Variants in SGCZ observed in about 807,000 individuals in gnomAD.
SGCZ encodes zeta-sarcoglycan.
A neutral mutation model predicts 41.3 loss-of-function variants in SGCZ; 40 were observed. That is an observed-to-expected ratio of 0.97 (90% CI 0.75 to 1.26). SGCZ has a LOEUF of 1.26. SGCZ is among the 50% of genes most tolerant of loss of function. The probability of loss-of-function intolerance (pLI) is 0.00; values close to 1 mark genes in which losing one functional copy is unlikely to be tolerated. For missense variants in SGCZ, 552 were observed against 369.8 expected (o/e 1.49, Z -4.04); for synonymous variants, 206 against 137.5 (o/e 1.50, Z -3.49).
chr8:14,210,354 T>C (rs1422366361), intron 4 of SGCZ, among the ~76,000 whole-genome samples: 1 of 149,264 alleles, frequency 6.7e-6, no homozygotes, highest in Non-Finnish European at 1.5e-5. Flanking sequence ...CCACCATGCC[T>C]GGCCATTATT....
intron 1 of SGCZ, among the ~76,000 whole-genome samples, chr8:14,826,848 G>T (rs1307832442): frequency 6.6e-6 from 1 of 152,154 alleles, no homozygotes; most frequent in Non-Finnish European, 1.5e-5. Flanking sequence ...TTTCTCAGAT[G>T]AGTAGGTTGT....
chr8:14,464,759 G>C (rs940102455), intron 2 of SGCZ, among the ~76,000 whole-genome samples: 1 of 151,160 alleles, frequency 6.6e-6, no homozygotes, highest in Non-Finnish European at 1.5e-5. Context: ...ACTGATTTTG[G>C]TGTATTCTTT....
chr8:14,302,112 T>C (rs940196641), intron 3 of SGCZ, among the ~76,000 whole-genome samples: 6 of 152,266 alleles, frequency 3.9e-5, no homozygotes, highest in African/African-American at 1.2e-4. Flanking sequence ...TCACTGTAAT[T>C]GAATCAAAAT....
chr8:14,567,786 G>C (rs1804420227), intron 1 of SGCZ, among the ~76,000 whole-genome samples: 1 of 151,992 alleles, frequency 6.6e-6, no homozygotes, highest in South Asian at 2.1e-4. Context: ...AACCCACTGG[G>C]AGGAATGAAC....
chr8:15,012,999 T>C (rs10088098), intron 1 of SGCZ, among the ~76,000 whole-genome samples: 26,435 of 151,962 alleles, frequency 0.17, 2,514 homozygotes, highest in Admixed American at 0.25. Context: ...AAAGCTGTTC[T>C]GTAGTATGGT....
intron 1 of SGCZ, among the ~76,000 whole-genome samples, chr8:15,050,780 C>T (rs955971265): frequency 1.3e-5 from 2 of 152,022 alleles, no homozygotes; most frequent in Non-Finnish European, 2.9e-5. Flanking sequence ...AGAAGTTAGG[C>T]TCTGAAGGGA....
chr8:14,891,376 GGT>G (rs1805012917), intron 1 of SGCZ, among the ~76,000 whole-genome samples: 1 of 152,166 alleles, frequency 6.6e-6, no homozygotes, highest in African/African-American at 2.4e-5. Flanking sequence ...GACTTTGAGA[GGT>G]TCAAGACTTC....
At chr8:14,186,196 C>T (rs1804896519) in intron 4 of SGCZ, among the ~76,000 whole-genome samples, 1 of 152,164 alleles carries the variant, frequency 6.6e-6, no homozygotes, top group Non-Finnish European at 1.5e-5. Flanking sequence ...AGTAAAACAG[C>T]TTAAAATCAT....
At chr8:15,011,289 G>C (rs887950265) in intron 1 of SGCZ, among the ~76,000 whole-genome samples, 1 of 151,518 alleles carries the variant, frequency 6.6e-6, no homozygotes, top group Non-Finnish European at 1.5e-5. Flanking sequence ...GTATGTGTCT[G>C]TTATTTATAT....
rs1227265160 is a variant in SGCZ at position 14,600,172 on chromosome 8, C to G, written c.40-45246G>C. Reference sequence around the variant, plus strand: ...TTTACTTGGACTTCTGGGCACCACACTCTCTTGGATCTTATTCTGCCTCCC... The same window carrying G: ...TTTACTTGGACTTCTGGGCACCACAGTCTCTTGGATCTTATTCTGCCTCCC... On this transcript the variant is annotated intron_variant, in intron 1 of 7. Coordinates refer to ENST00000382080, the MANE Select transcript of SGCZ (RefSeq NM_139167.4). Among the ~76,000 whole-genome samples, 5 of 152,154 alleles carry G rather than the reference C, an allele frequency of 3.3e-5. No homozygotes were observed. In the East Asian group the frequency reaches 7.7e-4, roughly 23 times the overall value.
intron 1 of SGCZ, among the ~76,000 whole-genome samples, chr8:14,582,499 T>C (rs917870550): frequency 2.0e-5 from 3 of 152,112 alleles, no homozygotes; most frequent in Non-Finnish European, 4.4e-5. Context: ...TCCCACACTC[T>C]TTTCTTTAAA....
rs187291624 is a variant in SGCZ, at chr8:14,625,895, C to T, written c.40-70969G>A. ...CACCTTAAAAGGTCAAATGAGAATTCATGATAATCTGGACTACTTGGAAAA... is the reference window on the plus strand; with the variant it reads ...CACCTTAAAAGGTCAAATGAGAATTTATGATAATCTGGACTACTTGGAAAA... On this transcript the variant is annotated intron_variant, in intron 1 of 7. Coordinates refer to ENST00000382080, the MANE Select transcript of SGCZ (RefSeq NM_139167.4). Among the ~76,000 whole-genome samples the T allele has an allele frequency of 2.6e-5, 4 of 152,206 alleles. No homozygotes were observed. In the East Asian group the frequency reaches 7.7e-4, roughly 29 times the overall value.
At chr8:14,707,035 A>T (rs1173465238) in intron 1 of SGCZ, among the ~76,000 whole-genome samples, 1 of 150,700 alleles carries the variant, frequency 6.6e-6, no homozygotes, top group African/African-American at 2.4e-5. Flanking sequence ...CTTTTTTTTA[A>T]AATTTTATTA....
At chr8:14,257,064 C>T (rs959335573) in intron 3 of SGCZ, among the ~76,000 whole-genome samples, 1 of 152,220 alleles carries the variant, frequency 6.6e-6, no homozygotes, top group South Asian at 2.1e-4. Context: ...GGCGTGGTGG[C>T]TCATGCCTCT....
chr8:15,225,320 T>A (rs1041097908), intron 1 of SGCZ, among the ~76,000 whole-genome samples: 2 of 152,130 alleles, frequency 1.3e-5, no homozygotes, highest in Admixed American at 1.3e-4. Context: ...AAAAAAAAGA[T>A]ATATCTATCT....
At chr8:14,782,042 T>C (rs545720111) in intron 1 of SGCZ, among the ~76,000 whole-genome samples, 4 of 152,262 alleles carry the variant, frequency 2.6e-5, no homozygotes, top group African/African-American at 9.6e-5. Context: ...TGCTGAGAAA[T>C]TTGGGTGACA....
intron 1 of SGCZ, among the ~76,000 whole-genome samples, chr8:14,837,543 G>A (rs1009742031): frequency 1.3e-5 from 2 of 152,140 alleles, no homozygotes; most frequent in African/African-American, 4.8e-5. Context: ...GTTTCTATAT[G>A]TACAATGGAG....
At chr8:15,122,681 G>A (rs1030129721) in intron 1 of SGCZ, among the ~76,000 whole-genome samples, 1 of 152,034 alleles carries the variant, frequency 6.6e-6, no homozygotes, top group Non-Finnish European at 1.5e-5. Context: ...AACAATGAAG[G>A]CCAACTGTAA....
intron 3 of SGCZ, among the ~76,000 whole-genome samples, chr8:14,265,040 A>C (rs1205440230): frequency 6.6e-6 from 1 of 152,334 alleles, no homozygotes; most frequent in African/African-American, 2.4e-5. Context: ...CTAATTTTTC[A>C]GTATGCAGGT....
Sources: allele counts gnomAD v4.1 joint callset (sites outside exome capture counted in the v4.1 genomes callset), GRCh38; gene constraint gnomAD v4.1.1; transcripts MANE v1.5; gene names NCBI Gene and HGNC (gene_info 2026-07-23, HGNC 2026-07-21).